ZNF780B: variants seen among roughly 807,000 people sequenced by gnomAD.
ZNF780B encodes the protein zinc finger protein 779.
A neutral mutation model predicts 74.1 loss-of-function variants in ZNF780B; 52 were observed. The ratio of observed to expected loss-of-function variants is 0.70; its 90% CI spans 0.56 to 0.88. ZNF780B has a LOEUF of 0.88. ZNF780B is among the 40% of genes least tolerant of loss of function. The pLI is 0.00. For missense variants in ZNF780B, 953 were observed against 1,007.6 expected, an observed-to-expected ratio of 0.95 and a Z score of 0.73; for synonymous variants, 315 against 324.3, an observed-to-expected ratio of 0.97 and a Z score of 0.31.
At position 40,036,287 on chromosome 19, in the gene ZNF780B, T is replaced by G. The variant is rs750762072; in HGVS notation, c.572A>C (p.Lys191Thr). 1.9e-6 allele frequency: 3 copies of G among 1,613,368 alleles called. No homozygotes were observed. Among genetic ancestry groups the G allele is most frequent in the Non-Finnish European group, 2.5e-6 (3 of 1,179,886 alleles). ...CCCACATTCTTTGCATTTATAGGGT[T>G]TCTCTCCAGTATGAATACTCTGATG... ...IQHQSIHTGE[K>T]PYKCKECGKA... The change falls in exon 5 of 5, where the codon AAA becomes ACA. Residue 191 changes from lysine (K) to threonine (T), a missense_variant. Coordinates refer to ENST00000434248, the MANE Select transcript of ZNF780B (RefSeq NM_001005851.3).
chr19:40,052,238 T>C (rs1973265512), intron 1 of ZNF780B, among the ~76,000 whole-genome samples: 1 of 152,124 alleles, frequency 6.6e-6, no homozygotes, highest in South Asian at 2.1e-4. Context: ...TAGGGAGGGT[T>C]ATCCTGTGCA....
At position 40,034,750 on chromosome 19, in the gene ZNF780B, C is replaced by T. The variant is rs1972158802; in HGVS notation, c.2109G>A (p.Arg703=). ...GCTGGTAATGATATCTAAAGGTCTT[C>T]CTACACTCCTTACATACAAAGGGTT... is the stretch of plus-strand genomic sequence containing the variant. ...SAKPFVCKEC[R]KTFRYHYQLT... is the part of the protein sequence containing the mutation. Residue 703 remains arginine, a synonymous_variant, in exon 5 of 5, where the codon AGG becomes AGA. Transcript: ENST00000434248. The T allele has an allele frequency of 6.2e-7, 1 of 1,613,756 alleles. No homozygotes were observed. The highest frequency in any genetic ancestry group is 1.7e-5 in the Admixed American group (1 of 59,966).
intron 4 of ZNF780B, 131 bp from the exon 5 acceptor site, chr19:40,036,757 G>A (rs1053622034): frequency 1.0e-5 from 6 of 591,580 alleles, no homozygotes; most frequent in Non-Finnish European, 1.7e-5. Context: ...GGAAAAGGGT[G>A]CCAATAATGA....
intron 1 of ZNF780B, among the ~76,000 whole-genome samples, chr19:40,053,792 T>G (rs1973349007): frequency 6.6e-6 from 1 of 152,208 alleles, no homozygotes; most frequent in South Asian, 2.1e-4. Flanking sequence ...AAATTCATAT[T>G]AAGTAAGCCA....
intron 4 of ZNF780B, among the ~76,000 whole-genome samples, chr19:40,043,843 C>T (rs1432425909): frequency 6.6e-6 from 1 of 152,230 alleles, no homozygotes; most frequent in Non-Finnish European, 1.5e-5. Context: ...CTCCCTGACC[C>T]CTTGCACTTC....
chr19:40,045,070 A>G lies in ZNF780B; in HGVS notation c.232+2305T>C, dbSNP rs576402970. 2.2e-4 allele frequency among the ~76,000 whole-genome samples: 34 copies of G among 152,342 alleles called. No individual in the cohort carries two copies. The Middle Eastern group carries it at 0.014, about 61-fold the overall frequency. On this transcript the variant is annotated intron_variant, in intron 4 of 4. Transcript: ENST00000434248. The stretch of plus-strand genomic sequence containing the variant: ...CTACGTTTATATCAGAAAAAAACAG[A>G]TTTTAAGTAAAAAACAGCAAAAAGA...
chr19:40,032,364 A>G lies in ZNF780B; in HGVS notation c.*1993T>C, dbSNP rs1019616714. ...ACTTTCATGGGGTTTCCATGCTACA[A>G]TACACTAAAGAGAGATAACCAAATG... On this transcript the variant is annotated 3_prime_UTR_variant, in exon 5 of 5. Transcript: ENST00000434248. The G allele has an allele frequency of 1.5e-5, 6 of 395,724 alleles. No homozygotes were observed. Among genetic ancestry groups the G allele is most frequent in the Non-Finnish European group, 2.5e-5 (5 of 202,964 alleles). The allele number at this position is 395,724 out of a possible 1,614,324, so 24.5% of individuals were successfully genotyped here.
Position 40,035,267 on chromosome 19 carries a change from C to T in ZNF780B, c.1592G>A (p.Cys531Tyr), listed in dbSNP as rs567653757. 5 of 1,614,180 alleles carry T rather than the reference C, an allele frequency of 3.1e-6. No individual in the cohort carries two copies. In the Middle Eastern group the frequency reaches 4.9e-4, roughly 160 times the overall value. The change falls in exon 5 of 5, where the codon TGT (cysteine) becomes TAT (tyrosine). Residue 531 changes from cysteine (C) to tyrosine (Y), a missense_variant. Coordinates refer to ENST00000434248, the MANE Select transcript of ZNF780B (RefSeq NM_001005851.3). ...SIHTGEKPYE[C>Y]KECGKAFRLH... ...TCTAAAAGCCTTCCCACACTCCTTA[C>T]ATTCATAGGGCTTCTCACCAGTGTG...
chr19:40,050,366 C>A lies in ZNF780B; in HGVS notation c.-34G>T. The A allele has an allele frequency of 6.3e-7, 1 of 1,587,754 alleles. No homozygotes were observed. Among genetic ancestry groups the A allele is most frequent in the Admixed American group, 1.7e-5 (1 of 58,180 alleles). On this transcript the variant is annotated 5_prime_UTR_variant, in exon 2 of 5. Transcript: ENST00000434248. Reference sequence around the variant, plus strand: ...AATTACAAAATTGGTCAATCTTCCTCGGGCTTCTCCCCTGGAAAACAACAA... The same window carrying A: ...AATTACAAAATTGGTCAATCTTCCTAGGGCTTCTCCCCTGGAAAACAACAA...
chr19:40,051,189 T>C (rs1185244079), intron 1 of ZNF780B, among the ~76,000 whole-genome samples: 1 of 151,984 alleles, frequency 6.6e-6, no homozygotes, highest in Admixed American at 6.6e-5. Context: ...CCCAGGCATT[T>C]AACTTAGAAT....
chr19:40,038,785 G>A (rs1280723885), intron 4 of ZNF780B, among the ~76,000 whole-genome samples: 18 of 151,760 alleles, frequency 1.2e-4, no homozygotes, highest in Non-Finnish European at 1.5e-5. Context: ...AAATTTGTTT[G>A]AGTTCATTGT....
chr19:40,047,510 T>C, intron 3 of ZNF780B, 40 bp from the exon 4 acceptor site: 2 of 1,475,754 alleles, frequency 1.4e-6, no homozygotes, highest in East Asian at 2.4e-5. Context: ...TTTTTTAATA[T>C]AAAAATTTTT....
intron 1 of ZNF780B, among the ~76,000 whole-genome samples, chr19:40,052,892 G>T (rs552102093): frequency 3.3e-5 from 5 of 152,172 alleles, no homozygotes; most frequent in Admixed American, 2.6e-4. Flanking sequence ...ATACACAGAA[G>T]AATGAAATTA....
At chr19:40,040,518 C>T (rs188783459) in intron 4 of ZNF780B, among the ~76,000 whole-genome samples, 3,900 of 152,264 alleles carry the variant, frequency 0.026, 75 homozygotes, top group Non-Finnish European at 0.037. Flanking sequence ...TGGTAGAATT[C>T]GGCTGTGAAT....
intron 1 of ZNF780B, among the ~76,000 whole-genome samples, chr19:40,055,244 T>C (rs964024227): frequency 1.0e-4 from 11 of 105,270 alleles, no homozygotes; most frequent in Non-Finnish European, 1.6e-4. Flanking sequence ...GAATATTAAA[T>C]GGCAAGGTGG....
intron 1 of ZNF780B, among the ~76,000 whole-genome samples, chr19:40,052,286 C>G (rs1973269368): frequency 6.6e-6 from 1 of 152,168 alleles, no homozygotes; most frequent in African/African-American, 2.4e-5. Context: ...CCTCTATCCA[C>G]TAGATCTAAG....
intron 1 of ZNF780B, among the ~76,000 whole-genome samples, chr19:40,054,034 T>G (rs2144855572): frequency 6.6e-6 from 1 of 152,298 alleles, no homozygotes; most frequent in East Asian, 1.9e-4. Flanking sequence ...GCACCTGTAG[T>G]CCCAGCTACT....
rs371975083 is a variant in ZNF780B, at chr19:40,034,940, G to A, written c.1919C>T (p.Pro640Leu). Residue 640 changes from proline to leucine, a missense_variant, in exon 5 of 5, where the codon CCA (proline) becomes CTA (leucine). Transcript: ENST00000434248. ...HHKNIHTGEK[P>L]FKCKECGKSF... ...CTTCCCACATTCTTTACATTTAAAT[G>A]GCTTCTCACCTGTGTGAATGTTCTT... 4.3e-6 allele frequency: 7 copies of A among 1,613,922 alleles called. No individual in the cohort carries two copies. The African/African-American group carries it at 9.3e-5, about 22-fold the overall frequency.
chr19:40,036,591 G>A lies in ZNF780B; in HGVS notation c.268C>T (p.Pro90Ser). The A allele has an allele frequency of 6.4e-7, 1 of 1,558,132 alleles. No individual in the cohort carries two copies. The highest frequency in any genetic ancestry group is 1.2e-5 in the South Asian group (1 of 81,736). The change falls in exon 5 of 5, where the codon CCA becomes TCA. Residue 90 changes from proline to serine, a missense_variant. Coordinates refer to ENST00000434248, the MANE Select transcript of ZNF780B (RefSeq NM_001005851.3). ...ESKYGPEKIS[P>S]ENDIFEINLP... ...TTTATTTCAAAAATATCATTTTCTG[G>A]AGATATTTTCTCAGGTCCATATTTT...
Sources: allele counts gnomAD v4.1 joint callset (sites outside exome capture counted in the v4.1 genomes callset), GRCh38; gene constraint gnomAD v4.1.1; transcripts MANE v1.5; gene names NCBI Gene and HGNC (gene_info 2026-07-23, HGNC 2026-07-21).